Variants in PCDH15 observed in about 807,000 individuals in gnomAD.
PCDH15 encodes the protein protocadherin related 15.
PCDH15 carries 129 observed loss-of-function variants against 178.5 expected under a neutral mutation model. The ratio of observed to expected loss-of-function variants is 0.72; its 90% CI spans 0.63 to 0.84. The LOEUF is 0.84. Among genes scored for constraint, PCDH15 ranks in the 40% least tolerant of loss-of-function variants. The probability of loss-of-function intolerance (pLI) is 0.00; values close to 1 mark genes in which losing one functional copy is unlikely to be tolerated. For missense variants in PCDH15, 2,230 were observed against 2,099.9 expected, an observed-to-expected ratio of 1.06 and a Z score of -1.21; for synonymous variants, 800 against 732.0, an observed-to-expected ratio of 1.09 and a Z score of -1.50.
intron 14 of PCDH15, among the ~76,000 whole-genome samples, chr10:54,148,205 T>C (rs1245602132): frequency 3.3e-5 from 5 of 151,960 alleles, no homozygotes; most frequent in African/African-American, 1.2e-4. Context: ...ACTCAATGTA[T>C]AAAAGTATTC....
At chr10:54,836,780 G>C (rs527573136) in intron 3 of PCDH15, among the ~76,000 whole-genome samples, 2 of 151,996 alleles carry the variant, frequency 1.3e-5, no homozygotes, top group African/African-American at 4.8e-5. Context: ...TACCATTGCA[G>C]AACTAATAAG....
intron 2 of PCDH15, among the ~76,000 whole-genome samples, chr10:54,616,633 G>T (rs2093165570): frequency 1.3e-5 from 2 of 152,004 alleles, no homozygotes; most frequent in Admixed American, 1.3e-4. Context: ...TTGATACAAA[G>T]TACATGTTGA....
At chr10:54,857,598 G>A (rs1348269295) in intron 3 of PCDH15, among the ~76,000 whole-genome samples, 1 of 150,616 alleles carries the variant, frequency 6.6e-6, no homozygotes, top group African/African-American at 2.4e-5. Context: ...GGCACGTGCC[G>A]CCATGCCTGG....
At chr10:54,471,823 G>T (rs536701254) in intron 3 of PCDH15, among the ~76,000 whole-genome samples, 1 of 151,960 alleles carries the variant, frequency 6.6e-6, no homozygotes, top group South Asian at 2.1e-4. Flanking sequence ...AAGTTAAAAA[G>T]AATGTTTTGG....
intron 6 of PCDH15, among the ~76,000 whole-genome samples, 192 bp from the exon 7 acceptor site, chr10:54,329,898 A>G (rs1009003466): frequency 4.6e-5 from 7 of 151,932 alleles, no homozygotes; most frequent in South Asian, 2.1e-4. Flanking sequence ...GGGTTTCCCC[A>G]GAGTCCTTTG....
intron 20 of PCDH15, among the ~76,000 whole-genome samples, chr10:54,019,501 A>C (rs1388509093): frequency 2.0e-5 from 3 of 152,108 alleles, no homozygotes; most frequent in Non-Finnish European, 4.4e-5. Flanking sequence ...GATGACGCTC[A>C]GAGGATCACG....
intron 37 of PCDH15, chr10:53,808,698 T>G: frequency 3.1e-6 from 5 of 1,612,270 alleles, no homozygotes; most frequent in Non-Finnish European, 4.2e-6. Context: ...TCTTTCAAAG[T>G]GCTGTGTTGT....
chr10:54,046,145 A>G (rs2093650917), intron 18 of PCDH15, among the ~76,000 whole-genome samples: 1 of 152,202 alleles, frequency 6.6e-6, no homozygotes, highest in Non-Finnish European at 1.5e-5. Flanking sequence ...GATATCACTG[A>G]AACCGTAACA....
intron 2 of PCDH15, among the ~76,000 whole-genome samples, chr10:55,096,499 A>G (rs1462266323): frequency 6.6e-6 from 1 of 152,138 alleles, no homozygotes; most frequent in African/African-American, 2.4e-5. Context: ...TGTTGTAACA[A>G]TACTTAAGAT....
Position 54,860,072 on chromosome 10 carries a change from T to C in PCDH15, c.-29+37378A>G, listed in dbSNP as rs150454340. On this transcript the variant is annotated intron_variant, in intron 3 of 5. Transcript: ENST00000458638. ...TTCATAGTTTGGAATAATATATATCTACATGTTTGTATGCATGTGTGTGGG... is the reference window on the plus strand; with the variant it reads ...TTCATAGTTTGGAATAATATATATCCACATGTTTGTATGCATGTGTGTGGG... 5.7e-3 allele frequency among the ~76,000 whole-genome samples: 875 copies of C among 152,240 alleles called. 6 individuals are homozygous for C. Among genetic ancestry groups the C allele is most frequent in the African/African-American group, 0.017 (700 of 41,580 alleles).
At chr10:54,190,941 T>C (rs558805323) in intron 11 of PCDH15, among the ~76,000 whole-genome samples, 2 of 152,314 alleles carry the variant, frequency 1.3e-5, no homozygotes, top group East Asian at 3.9e-4. Context: ...ATGGAAGATT[T>C]AAGGAATAAT....
intron 2 of PCDH15, among the ~76,000 whole-genome samples, chr10:55,324,927 A>G (rs1298759118): frequency 2.6e-5 from 4 of 152,188 alleles, no homozygotes; most frequent in Non-Finnish European, 5.9e-5. Flanking sequence ...TACACCAAGA[A>G]TATCCAACCT....
intron 2 of PCDH15, among the ~76,000 whole-genome samples, chr10:55,474,797 T>C (rs960428032): frequency 6.6e-6 from 1 of 152,086 alleles, no homozygotes; most frequent in Non-Finnish European, 1.5e-5. Context: ...ACACATATGT[T>C]TTTCTTTTTT....
chr10:55,156,765 C>A (rs1303978851), intron 2 of PCDH15, among the ~76,000 whole-genome samples: 1 of 152,032 alleles, frequency 6.6e-6, no homozygotes, highest in Non-Finnish European at 1.5e-5. Flanking sequence ...AGTCAATAAG[C>A]CCTACACACA....
Position 54,089,999 on chromosome 10 carries a change from A to C in PCDH15, c.1982T>G (p.Phe661Cys). 6.2e-7 allele frequency: 1 copy of C among 1,611,004 alleles called. No individual in the cohort carries two copies. Among genetic ancestry groups the C allele is most frequent in the Non-Finnish European group, 8.5e-7 (1 of 1,177,522 alleles). Residue 661 changes from phenylalanine to cysteine, a missense_variant, in exon 16 of 38, where the codon TTT becomes TGT. Physicochemically the swap from Phe to Cys is radical, Grantham distance 205. Transcript: ENST00000644397. ...TTTAACTTACGTTTCTGAAAGATTA[A>C]AAACTCTCTGAGGATCTCCATTCTC... ...AIENGDPQRV[F>C]NLSETTGILT... is the part of the protein sequence containing the mutation.
At chr10:54,392,919 T>A (rs2135349125) in intron 3 of PCDH15, among the ~76,000 whole-genome samples, 2 of 148,168 alleles carry the variant, frequency 1.3e-5, no homozygotes, top group Admixed American at 6.7e-5. Context: ...AAAAAAAAAA[T>A]TGCATTGCTG....
intron 5 of PCDH15, among the ~76,000 whole-genome samples, chr10:54,351,988 T>C (rs967040943): frequency 1.3e-5 from 2 of 152,164 alleles, no homozygotes; most frequent in Non-Finnish European, 2.9e-5. Context: ...GGATATGTGG[T>C]AGAAAGTCCT....
chr10:54,600,802 G>T, intron 2 of PCDH15: 1 of 395,164 alleles, frequency 2.5e-6, no homozygotes, highest in Admixed American at 3.5e-5. Flanking sequence ...TTTACTTTGT[G>T]CAATATGAGG....
chr10:54,961,333 G>C (rs1342241548), intron 2 of PCDH15, among the ~76,000 whole-genome samples: 1 of 152,184 alleles, frequency 6.6e-6, no homozygotes, highest in Admixed American at 6.5e-5. Context: ...GACTGAGGGT[G>C]ACTCAGTACC....
Sources: allele counts gnomAD v4.1 joint callset (sites outside exome capture counted in the v4.1 genomes callset), GRCh38; gene constraint gnomAD v4.1.1; transcripts MANE v1.5; gene names NCBI Gene and HGNC (gene_info 2026-07-23, HGNC 2026-07-21).